Variants in ZFYVE28 observed in about 807,000 individuals in gnomAD.
ZFYVE28 encodes the protein zinc finger FYVE-type containing 28.
In ZFYVE28, 40 loss-of-function variants were observed where a neutral mutation model predicts 82.1. The ratio of observed to expected loss-of-function variants is 0.49; its 90% confidence interval spans 0.38 to 0.63. The LOEUF (loss-of-function observed/expected upper bound fraction) is 0.63. ZFYVE28 is among the 30% of genes least tolerant of loss of function. The probability of loss-of-function intolerance (pLI) is 0.00; values close to 1 mark genes in which losing one functional copy is unlikely to be tolerated. For missense variants in ZFYVE28, 1,321 were observed against 1,242.1 expected, an observed-to-expected ratio of 1.06 and a Z score of -0.96; for synonymous variants, 612 against 546.1, an observed-to-expected ratio of 1.12 and a Z score of -1.68.
In ZFYVE28 at chr4:2,366,673, G is replaced by GGCAT. The variant is rs1461673896; in HGVS notation, c.40-12604_40-12601dup. Among the ~76,000 whole-genome samples the GGCAT allele has an allele frequency of 2.0e-5, 3 of 152,208 alleles. No individual in the cohort carries two copies. In the East Asian group the frequency reaches 5.8e-4, roughly 29 times the overall value. On this transcript the variant is annotated intron_variant, in intron 1 of 12. Transcript: ENST00000290974. ...GCAGCTAGAGGCCTCTGCCCCTTGGGGCATGGCAAAGGGCCCCTTTATCAC... is the reference window on the plus strand; with the variant it reads ...GCAGCTAGAGGCCTCTGCCCCTTGGGGCATGCATGGCAAAGGGCCCCTTTATCAC...
intron 7 of ZFYVE28, among the ~76,000 whole-genome samples, chr4:2,319,719 G>C (rs539937720): frequency 8.0e-4 from 121 of 152,026 alleles, no homozygotes; most frequent in African/African-American, 2.5e-3. Context: ...CTCCCATGTG[G>C]ACACAGACGT....
intron 1 of ZFYVE28, among the ~76,000 whole-genome samples, chr4:2,387,444 T>C (rs924167054): frequency 3.3e-5 from 5 of 152,234 alleles, no homozygotes; most frequent in African/African-American, 7.2e-5. Context: ...GTGACGTCCT[T>C]GTCCTCGTGC....
intron 1 of ZFYVE28, among the ~76,000 whole-genome samples, chr4:2,389,219 A>G (rs1260259680): frequency 6.6e-6 from 1 of 152,030 alleles, no homozygotes; most frequent in East Asian, 1.9e-4. Context: ...CCATCCAGCC[A>G]GGTCCTGCCC....
chr4:2,302,978 C>T (rs1213539292), intron 8 of ZFYVE28, among the ~76,000 whole-genome samples: 2 of 152,224 alleles, frequency 1.3e-5, no homozygotes. Flanking sequence ...CCTCGTTAAG[C>T]CGAGCCATCG....
chr4:2,308,683 G>GAAAAGAAAAGAAA (rs1553830772), intron 7 of ZFYVE28, among the ~76,000 whole-genome samples: 1 of 81,512 alleles, frequency 1.2e-5, no homozygotes, highest in African/African-American at 5.0e-5. Context: ...GAAAGAGAAA[G>GAAAAGAAAAGAAA]AAAGAAAAGA....
Position 2,332,787 on chromosome 4 carries a change from A to ACTCAGCACTCACCCG in ZFYVE28, c.701+2903_701+2917dup, listed in dbSNP as rs576307635. On this transcript the variant is annotated intron_variant, in intron 6 of 12. Coordinates refer to ENST00000290974, the MANE Select transcript of ZFYVE28 (RefSeq NM_020972.3). The surrounding 1 kb of genome is among the most constrained non-coding windows in gnomAD (Gnocchi z 4.7). ...GGGGCGGCCTTAGGAACAGCTGCCC[A>ACTCAGCACTCACCCG]CTCAGCACTCACCCGCTCAGCACTC... Among the ~76,000 whole-genome samples, 169 of 152,010 alleles carry ACTCAGCACTCACCCG rather than the reference A, an allele frequency of 1.1e-3. No homozygotes were observed. Among genetic ancestry groups the ACTCAGCACTCACCCG allele is most frequent in the African/African-American group, 3.9e-3 (162 of 41,456 alleles).
intron 8 of ZFYVE28, among the ~76,000 whole-genome samples, chr4:2,302,307 G>C (rs1247247191): frequency 6.6e-6 from 1 of 152,212 alleles, no homozygotes; most frequent in East Asian, 1.9e-4. Flanking sequence ...TTATAGATTT[G>C]ACTGGGAACC....
At chr4:2,277,055 T>C (rs766005665) in intron 8 of ZFYVE28, among the ~76,000 whole-genome samples, 4 of 152,100 alleles carry the variant, frequency 2.6e-5, no homozygotes, top group Non-Finnish European at 4.4e-5. Flanking sequence ...GGCAAGTACA[T>C]GGCAGAAGGC....
intron 5 of ZFYVE28, among the ~76,000 whole-genome samples, chr4:2,336,570 C>CG (rs368051319): frequency 6.7e-6 from 1 of 149,686 alleles, no homozygotes; most frequent in South Asian, 2.1e-4. Flanking sequence ...CTGCCCCCCC[C>CG]ACTCCCTAAA....
chr4:2,330,584 T>G (rs1301204553), intron 6 of ZFYVE28: 42 of 1,181,554 alleles, frequency 3.6e-5, no homozygotes, highest in South Asian at 1.4e-4. Context: ...GCATGGAGAA[T>G]GGGATAGCAT....
At chr4:2,337,540 C>T (rs370025291) in intron 4 of ZFYVE28, 44 bp from the exon 5 acceptor site, 35 of 1,517,960 alleles carry the variant, frequency 2.3e-5, no homozygotes, top group South Asian at 1.6e-4. Context: ...TGGGCTGTGG[C>T]GGGGCCCCTC....
intron 4 of ZFYVE28, among the ~76,000 whole-genome samples, chr4:2,337,710 A>G (rs1375831900): frequency 6.6e-6 from 1 of 152,076 alleles, no homozygotes; most frequent in African/African-American, 2.4e-5. Context: ...CATCTCTACA[A>G]AAAATAAAAA....
At chr4:2,299,974 CT>C (rs1715265265) in intron 8 of ZFYVE28, among the ~76,000 whole-genome samples, 1 of 152,042 alleles carries the variant, frequency 6.6e-6, no homozygotes, top group Non-Finnish European at 1.5e-5. Flanking sequence ...TTTACTTTTA[CT>C]TTTCATGAGA....
chr4:2,341,460 C>G lies in ZFYVE28; in HGVS notation c.318+18G>C. On this transcript the variant is annotated intron_variant, in intron 3 of 12. Transcript: ENST00000290974. This position sits in a 1 kb window ranked among gnomAD's most constrained non-coding sequence, Gnocchi z 4.5. ...CACCCCACATCAGGACCTCCGAACC[C>G]GGGTGGCCACCCGCTACCTCGGCAC... 6.2e-7 allele frequency: 1 copy of G among 1,611,808 alleles called. No homozygotes were observed. The highest frequency in any genetic ancestry group is 8.5e-7 in the Non-Finnish European group (1 of 1,179,720).
chr4:2,347,799 A>G (rs1292643013), intron 2 of ZFYVE28, among the ~76,000 whole-genome samples: 1 of 152,142 alleles, frequency 6.6e-6, no homozygotes, highest in Non-Finnish European at 1.5e-5. Context: ...ACCACTAAAT[A>G]CCTAAATTAG....
At chr4:2,286,706 G>A (rs1712798234) in intron 8 of ZFYVE28, 1 of 152,272 alleles carries the variant, frequency 6.6e-6, no homozygotes, top group African/African-American at 2.4e-5. Flanking sequence ...GGTGGGATTA[G>A]GGAAGGAGCT....
At chr4:2,293,441 T>G (rs534306428) in intron 8 of ZFYVE28, among the ~76,000 whole-genome samples, 117 of 151,744 alleles carry the variant, frequency 7.7e-4, no homozygotes, top group Middle Eastern at 3.4e-3. Flanking sequence ...TTTAGCAAGA[T>G]CAATCTGGAA....
At chr4:2,402,364 C>T (rs894383616) in intron 1 of ZFYVE28, among the ~76,000 whole-genome samples, 4 of 152,232 alleles carry the variant, frequency 2.6e-5, no homozygotes, top group Non-Finnish European at 5.9e-5. Context: ...TCTCCCGCCC[C>T]GCCCGCTGCA....
intron 7 of ZFYVE28, among the ~76,000 whole-genome samples, chr4:2,308,519 G>T (rs1716916309): frequency 7.3e-6 from 1 of 137,340 alleles, no homozygotes; most frequent in Admixed American, 7.3e-5. Context: ...AGGGAGGGAG[G>T]GAGGGGAGGG....
Sources: allele counts gnomAD v4.1 joint callset (sites outside exome capture counted in the v4.1 genomes callset), GRCh38; gene constraint gnomAD v4.1.1; non-coding constraint Gnocchi (gnomAD v3.1); transcripts MANE v1.5; gene names NCBI Gene and HGNC (gene_info 2026-07-23, HGNC 2026-07-21).